Variants in KDM4C observed in about 807,000 individuals in gnomAD.
KDM4C encodes lysine demethylase 4C, also known as lysine-specific demethylase 4C.
A neutral mutation model predicts 129.3 loss-of-function variants in KDM4C; 81 were observed. The ratio of observed to expected loss-of-function variants is 0.63; its 90% CI spans 0.52 to 0.75. KDM4C has a LOEUF of 0.75. Among genes scored for constraint, KDM4C ranks in the 30% least tolerant of loss-of-function variants. KDM4C has a pLI of 0.00. For synonymous variants in KDM4C, 573 were observed against 456.1 expected (o/e 1.26, Z -3.26); for missense variants, 1,457 against 1,304.0 (o/e 1.12, Z -1.81).
chr9:6,985,258 C>T (rs1416099377), intron 10 of KDM4C, among the ~76,000 whole-genome samples: 3 of 152,222 alleles, frequency 2.0e-5, no homozygotes, highest in Admixed American at 6.5e-5. Context: ...TGACTACCTT[C>T]TTCTTAGTAT....
intron 12 of KDM4C, among the ~76,000 whole-genome samples, chr9:7,009,769 T>C (rs1362010541): frequency 6.6e-6 from 1 of 152,242 alleles, no homozygotes; most frequent in African/African-American, 2.4e-5. Context: ...TTGAGAACTG[T>C]GGTTATCTTT....
chr9:7,075,466 C>T (rs1833796699), intron 17 of KDM4C, among the ~76,000 whole-genome samples: 1 of 152,138 alleles, frequency 6.6e-6, no homozygotes, highest in African/African-American at 2.4e-5. Flanking sequence ...GTTAAGTCCT[C>T]ACTGACGGAA....
intron 4 of KDM4C, among the ~76,000 whole-genome samples, chr9:6,849,282 A>G (rs113300724): frequency 6.6e-6 from 1 of 152,230 alleles, no homozygotes; most frequent in African/African-American, 2.4e-5. Flanking sequence ...ATAAATTTCT[A>G]CCAGATAGTT....
At chr9:6,852,962 C>G (rs1408122535) in intron 5 of KDM4C, among the ~76,000 whole-genome samples, 1 of 152,066 alleles carries the variant, frequency 6.6e-6, no homozygotes, top group East Asian at 1.9e-4. Flanking sequence ...TTCCCACCTC[C>G]TTTCTCCCCG....
rs1393167971 is a variant in KDM4C at position 6,858,531 on chromosome 9, TGGGA to T, written c.629+8834_629+8837del. On this transcript the variant is annotated intron_variant, in intron 5 of 21. Coordinates refer to ENST00000381309, the MANE Select transcript of KDM4C (RefSeq NM_015061.6). ...TTACTGTGTTAGGGCTGGGCATGGT[TGGGA>T]GGCCTAGGTGGGCGGATCATTTGAG... Among the ~76,000 whole-genome samples, 4 of 152,272 alleles carry T rather than the reference TGGGA, an allele frequency of 2.6e-5. No homozygotes were observed. In the East Asian group the frequency reaches 7.7e-4, roughly 29 times the overall value.
intron 5 of KDM4C, among the ~76,000 whole-genome samples, chr9:6,864,604 G>T (rs1220837411): frequency 6.6e-6 from 1 of 151,634 alleles, no homozygotes; most frequent in Non-Finnish European, 1.5e-5. Flanking sequence ...CCATAGCTGG[G>T]ATTACAGGCA....
chr9:6,836,365 C>A (rs1355154816), intron 4 of KDM4C, among the ~76,000 whole-genome samples: 2 of 152,132 alleles, frequency 1.3e-5, no homozygotes, highest in Non-Finnish European at 2.9e-5. Context: ...GAGCAAGACT[C>A]TGTCTCAAAA....
At chr9:6,950,521 A>T (rs922875340) in intron 8 of KDM4C, among the ~76,000 whole-genome samples, 1 of 152,156 alleles carries the variant, frequency 6.6e-6, no homozygotes, top group African/African-American at 2.4e-5. Context: ...GTTAATATGG[A>T]TCCCTACTAA....
At chr9:6,983,045 C>T (rs1817042224) in intron 9 of KDM4C, among the ~76,000 whole-genome samples, 2 of 152,308 alleles carry the variant, frequency 1.3e-5, no homozygotes, top group South Asian at 4.1e-4. Context: ...ACATATACTA[C>T]ACTGTTTATA....
chr9:6,804,812 A>G (rs906719584), intron 2 of KDM4C, among the ~76,000 whole-genome samples: 1 of 152,174 alleles, frequency 6.6e-6, no homozygotes. Flanking sequence ...TTTTCTCATA[A>G]TAATATAAAC....
At chr9:7,082,476 G>A (rs1384756768) in intron 17 of KDM4C, among the ~76,000 whole-genome samples, 1 of 152,168 alleles carries the variant, frequency 6.6e-6, no homozygotes, top group Non-Finnish European at 1.5e-5. Context: ...TTCAGTTTGG[G>A]TCCTCACCAG....
intron 19 of KDM4C, among the ~76,000 whole-genome samples, chr9:7,148,466 A>C (rs1842420377): frequency 6.6e-6 from 1 of 151,678 alleles, no homozygotes. Flanking sequence ...GCAGTGGAGA[A>C]CAGGAGGGCT....
chr9:6,918,884 C>T (rs781119845), intron 8 of KDM4C, among the ~76,000 whole-genome samples: 5 of 151,936 alleles, frequency 3.3e-5, no homozygotes, highest in Non-Finnish European at 7.4e-5. Flanking sequence ...CAGAGTCTCA[C>T]TCTGTTGCCC....
intron 18 of KDM4C, chr9:7,104,192 T>G (rs1587660603): frequency 3.7e-6 from 1 of 270,498 alleles, no homozygotes; most frequent in East Asian, 7.0e-5. Flanking sequence ...TTGTACACAT[T>G]GTGCACTGCA....
chr9:7,099,075 C>G (rs1657618048), intron 17 of KDM4C, among the ~76,000 whole-genome samples: 1 of 152,054 alleles, frequency 6.6e-6, no homozygotes, highest in South Asian at 2.1e-4. Context: ...AAAAAGTGTC[C>G]TTAGGGGGCA....
At chr9:7,077,265 C>G (rs1834031653) in intron 17 of KDM4C, 3 of 977,258 alleles carry the variant, frequency 3.1e-6, no homozygotes, top group Non-Finnish European at 2.4e-6. Flanking sequence ...TTGCATGGAT[C>G]TTGGATTAGT....
chr9:6,844,838 C>T (rs889694495), intron 4 of KDM4C, among the ~76,000 whole-genome samples: 2 of 152,134 alleles, frequency 1.3e-5, no homozygotes, highest in Non-Finnish European at 2.9e-5. Flanking sequence ...CAGGTGTGTG[C>T]CACCACACCC....
chr9:6,854,586 A>C (rs1014305726), intron 5 of KDM4C, among the ~76,000 whole-genome samples: 11 of 151,858 alleles, frequency 7.2e-5, no homozygotes, highest in Admixed American at 2.0e-4. Context: ...TGTAGAGAAC[A>C]AGGGAGATAA....
rs765137791 is a variant in KDM4C at position 6,805,732 on chromosome 9, C to G, written c.278C>G (p.Ala93Gly). Residue 93 changes from alanine to glycine, a missense_variant, in exon 3 of 22, where the codon GCG (alanine) becomes GGG (glycine). By Grantham distance (60) the Ala-to-Gly change is moderately conservative (BLOSUM62 0). Transcript: ENST00000381309. ...ACTCAGTACAACATCCAGAAAAAAG[C>G]GATGACTGTGAAGGAGTTCAGGCAG... ...LFTQYNIQKK[A>G]MTVKEFRQLA... 18 of 1,613,920 alleles carry G rather than the reference C, an allele frequency of 1.1e-5. No homozygotes were observed. Among genetic ancestry groups the G allele is most frequent in the East Asian group, 8.9e-5 (4 of 44,878 alleles).
Sources: gnomAD v4.1 joint callset for allele counts (sites outside exome capture counted in the v4.1 genomes callset) on GRCh38, gnomAD v4.1.1 for gene constraint, MANE v1.5 for transcripts, NCBI Gene and HGNC (gene_info 2026-07-23, HGNC 2026-07-21) for gene names.